GPC4: variants seen among roughly 807,000 people sequenced by gnomAD.
GPC4 encodes the protein glypican 4.
Under a neutral mutation model 35.0 loss-of-function variants are expected in GPC4, and 10 were observed. The ratio of observed to expected loss-of-function variants is 0.29; its 90% CI spans 0.18 to 0.48. The LOEUF (loss-of-function observed/expected upper bound fraction) is 0.48, where lower values mean the gene tolerates loss of function less well. Among genes scored for constraint, GPC4 ranks in the 20% least tolerant of loss-of-function variants. GPC4 has a pLI of 0.99. For missense variants in GPC4, 322 were observed against 451.3 expected (o/e 0.71, Z 2.60); for synonymous variants, 167 against 170.2 (o/e 0.98, Z 0.15).
chrX:133,397,047 A>C (rs1446463846), intron 1 of GPC4, among the ~76,000 whole-genome samples: 1 of 112,274 alleles, frequency 8.9e-6, no homozygotes, highest in East Asian at 2.8e-4. Flanking sequence ...TTGAGCTTAG[A>C]AGCAACCAAG....
At chrX:133,353,731 G>A (rs2068527001) in intron 1 of GPC4, among the ~76,000 whole-genome samples, 1 of 110,995 alleles carries the variant, frequency 9.0e-6, no homozygotes. Context: ...AAAAGAAATG[G>A]AAGGAAATGG....
At chrX:133,348,501 C>T (rs965904381) in intron 1 of GPC4, among the ~76,000 whole-genome samples, 2 of 112,527 alleles carry the variant, frequency 1.8e-5, no homozygotes, top group East Asian at 2.8e-4. Context: ...GGGGACCTTG[C>T]GGGATAGCAA....
intron 2 of GPC4, among the ~76,000 whole-genome samples, chrX:133,337,690 G>A (rs1216498580): frequency 2.7e-5 from 3 of 111,025 alleles, no homozygotes; most frequent in African/African-American, 9.8e-5. Context: ...TAAAAGAAAA[G>A]GCTTAGGTTA....
At chrX:133,380,887 T>C (rs1402377127) in intron 1 of GPC4, among the ~76,000 whole-genome samples, 1 of 111,755 alleles carries the variant, frequency 8.9e-6, no homozygotes, top group African/African-American at 3.3e-5. Context: ...ATGAAGACAG[T>C]CCATTCGAGG....
At chrX:133,398,839 T>G (rs996880276) in intron 1 of GPC4, among the ~76,000 whole-genome samples, 1 of 111,165 alleles carries the variant, frequency 9.0e-6, no homozygotes, top group African/African-American at 3.3e-5. Flanking sequence ...AAACAATCTT[T>G]CTTGAAATAC....
intron 1 of GPC4, among the ~76,000 whole-genome samples, chrX:133,359,604 C>T (rs956711366): frequency 9.0e-6 from 1 of 111,571 alleles, no homozygotes; most frequent in African/African-American, 3.3e-5. Context: ...TAATCACAGT[C>T]ACAGGGCTAA....
intron 1 of GPC4, among the ~76,000 whole-genome samples, chrX:133,405,944 T>C (rs1455062475): frequency 8.9e-6 from 1 of 112,080 alleles, no homozygotes; most frequent in African/African-American, 3.2e-5. Flanking sequence ...TTATGACAGC[T>C]GTTTCCATCA....
chrX:133,330,281 A>G (rs1473286757), intron 2 of GPC4, among the ~76,000 whole-genome samples: 1 of 111,751 alleles, frequency 8.9e-6, no homozygotes, highest in Non-Finnish European at 1.9e-5. Context: ...TGCTGAAAAA[A>G]GAAGCCTCCT....
intron 1 of GPC4, among the ~76,000 whole-genome samples, chrX:133,355,998 C>T (rs1428071449): frequency 1.8e-5 from 2 of 111,849 alleles, no homozygotes; most frequent in African/African-American, 6.5e-5. Context: ...GCCAATTAAA[C>T]CTCTTTTCTT....
At chrX:133,375,951 AG>A (rs1427717284) in intron 1 of GPC4, among the ~76,000 whole-genome samples, 1 of 111,934 alleles carries the variant, frequency 8.9e-6, no homozygotes, top group Non-Finnish European at 1.9e-5. Flanking sequence ...TCGTTTAGGA[AG>A]GGAGAGAAGA....
At chrX:133,306,304 T>C in intron 4 of GPC4, 150 bp from the exon 5 acceptor site, 1 of 614,697 alleles carries the variant, frequency 1.6e-6, no homozygotes, top group Non-Finnish European at 2.5e-6. Flanking sequence ...CTTGTTTTTA[T>C]GTCTATTTCC....
At chrX:133,310,086 A>C (rs895388054) in intron 4 of GPC4, among the ~76,000 whole-genome samples, 5 of 111,383 alleles carry the variant, frequency 4.5e-5, no homozygotes, top group Non-Finnish European at 9.4e-5. Context: ...TGTTGGAGCC[A>C]ATTTATTGAT....
intron 6 of GPC4, 30 bp downstream of exon 6, chrX:133,305,742 A>G (rs751782020): frequency 1.7e-6 from 2 of 1,205,640 alleles, no homozygotes; most frequent in Non-Finnish European, 1.1e-6. Flanking sequence ...CTTTGTCATT[A>G]AACACGGCCC....
At chrX:133,306,551 G>A (rs1270883046) in intron 4 of GPC4, among the ~76,000 whole-genome samples, 3 of 111,422 alleles carry the variant, frequency 2.7e-5, no homozygotes, top group South Asian at 3.8e-4. Flanking sequence ...GGATCTTCTC[G>A]TTTCACATTC....
At chrX:133,391,691 T>C (rs180962203) in intron 1 of GPC4, among the ~76,000 whole-genome samples, 1 of 111,803 alleles carries the variant, frequency 8.9e-6, no homozygotes, top group East Asian at 2.8e-4. Flanking sequence ...TGGAACATTA[T>C]TGTATAATTC....
At chrX:133,399,009 T>C (rs756873892) in intron 1 of GPC4, among the ~76,000 whole-genome samples, 1 of 110,712 alleles carries the variant, frequency 9.0e-6, no homozygotes, top group East Asian at 2.9e-4. Context: ...AGGACCCTCC[T>C]CTCCTTGAGA....
At chrX:133,350,946 T>G (rs2068513498) in intron 1 of GPC4, among the ~76,000 whole-genome samples, 1 of 112,328 alleles carries the variant, frequency 8.9e-6, no homozygotes, top group South Asian at 3.7e-4. Context: ...CAACTGGCCA[T>G]GAAGTCTTCA....
chrX:133,399,025 T>G (rs973763570), intron 1 of GPC4, among the ~76,000 whole-genome samples: 3 of 111,165 alleles, frequency 2.7e-5, no homozygotes, highest in African/African-American at 9.8e-5. Flanking sequence ...TGAGACAACC[T>G]GCCCACTCGG....
chrX:133,354,197 T>A (rs750072330), intron 1 of GPC4, among the ~76,000 whole-genome samples: 1 of 111,801 alleles, frequency 8.9e-6, no homozygotes, highest in East Asian at 2.8e-4. Flanking sequence ...ACTTTAAGAG[T>A]ACACTTAAAG....
Sources: gnomAD v4.1 joint callset for allele counts (sites outside exome capture counted in the v4.1 genomes callset) on GRCh38, gnomAD v4.1.1 for gene constraint, MANE v1.5 for transcripts, NCBI Gene and HGNC (gene_info 2026-07-23, HGNC 2026-07-21) for gene names.